FRMD5: variants seen among roughly 807,000 people sequenced by gnomAD.
FRMD5 encodes FERM domain containing 5.
Under a neutral mutation model 69.0 loss-of-function variants are expected in FRMD5, and 20 were observed. The ratio of observed to expected loss-of-function variants is 0.29; its 90% confidence interval spans 0.20 to 0.42. The LOEUF (loss-of-function observed/expected upper bound fraction) is 0.42. Ranked by LOEUF, FRMD5 falls within the 10% of genes least tolerant of loss-of-function variation. FRMD5 has a pLI of 1.00. For missense variants in FRMD5, 595 were observed against 708.6 expected (o/e 0.84, Z 1.82); for synonymous variants, 271 against 260.1 (o/e 1.04, Z -0.40).
chr15:44,069,782 G>T (rs2140408882), intron 1 of FRMD5, among the ~76,000 whole-genome samples: 1 of 152,274 alleles, frequency 6.6e-6, no homozygotes, highest in Admixed American at 6.5e-5. Context: ...CTGCAGTTTT[G>T]CAAGATGTTA....
intron 1 of FRMD5, among the ~76,000 whole-genome samples, chr15:44,041,990 A>G (rs3919618): frequency 0.9 from 137,192 of 152,170 alleles, 62,405 homozygotes; most frequent in East Asian, 1. Flanking sequence ...AATGAATCCA[A>G]GAGCTGGTTT....
At chr15:43,993,646 T>G (rs1254583640) in intron 1 of FRMD5, among the ~76,000 whole-genome samples, 1 of 152,228 alleles carries the variant, frequency 6.6e-6, no homozygotes, top group Non-Finnish European at 1.5e-5. Flanking sequence ...ATTTTTTTTG[T>G]CTGGATGAAA....
chr15:44,139,997 T>A (rs188786879), intron 1 of FRMD5, among the ~76,000 whole-genome samples: 77 of 151,422 alleles, frequency 5.1e-4, no homozygotes, highest in African/African-American at 1.7e-3. Context: ...TCTGATCTTA[T>A]ACATATACAT....
intron 1 of FRMD5, among the ~76,000 whole-genome samples, chr15:44,046,244 A>T (rs945077657): frequency 6.6e-6 from 1 of 152,178 alleles, no homozygotes; most frequent in Non-Finnish European, 1.5e-5. Context: ...TTTAACCCTG[A>T]ATAAGGAACA....
intron 5 of FRMD5, among the ~76,000 whole-genome samples, chr15:43,908,669 G>T (rs750302111): frequency 1.2e-4 from 19 of 152,154 alleles, no homozygotes; most frequent in Non-Finnish European, 2.5e-4. Context: ...AGGAATCTAG[G>T]AAGCGGCACT....
chr15:43,947,083 T>C (rs896054249), intron 1 of FRMD5, among the ~76,000 whole-genome samples: 2 of 152,218 alleles, frequency 1.3e-5, no homozygotes, highest in Non-Finnish European at 2.9e-5. Context: ...AATGTCTACT[T>C]TTAAAGTTAT....
At chr15:43,896,298 CCTT>C (rs1407183508) in intron 7 of FRMD5, among the ~76,000 whole-genome samples, 1 of 152,244 alleles carries the variant, frequency 6.6e-6, no homozygotes, top group Non-Finnish European at 1.5e-5. Context: ...CAGCTCTCCT[CCTT>C]CTTTCCTCTG....
chr15:43,874,420 C>G lies in FRMD5; in HGVS notation c.1178G>C (p.Arg393Pro). The G allele has an allele frequency of 6.2e-7, 1 of 1,614,208 alleles. No homozygotes were observed. Among genetic ancestry groups the G allele is most frequent in the Non-Finnish European group, 8.5e-7 (1 of 1,180,042 alleles). The change falls in exon 14 of 14, where the codon CGT becomes CCT. Residue 393 changes from arginine to proline, a missense_variant. Coordinates refer to ENST00000417257, the MANE Select transcript of FRMD5 (RefSeq NM_032892.5). ...LRDSAHSTPVRSTSHGDTFLP... is the reference protein window; with the variant it reads ...LRDSAHSTPVPSTSHGDTFLP... ...GAAGGTGTCCCCATGGGAAGTGGAA[C>G]GCACTGGTGTGGAATGGGCACTGTC...
rs1330048691 is a variant in FRMD5, at chr15:43,871,116, A to G, written c.*2769T>C. 1 of 152,204 alleles carries G rather than the reference A, an allele frequency of 6.6e-6. No homozygotes were observed. Among genetic ancestry groups the G allele is most frequent in the African/African-American group, 2.4e-5 (1 of 41,438 alleles). The allele number at this position is 152,204 out of a possible 1,614,324, so 9.4% of individuals were successfully genotyped here. A position where few individuals can be genotyped will look rare whatever the true frequency, so the allele number is the denominator to read the frequency against. On this transcript the variant is annotated 3_prime_UTR_variant, in exon 14 of 14. Coordinates refer to ENST00000417257, the MANE Select transcript of FRMD5 (RefSeq NM_032892.5). ...TAGAACACAGTATAACCAGGTTAAA[A>G]ACTTGAACAATTTTTAAAGGTGGAG... is the stretch of plus-strand genomic sequence containing the variant.
chr15:43,891,937 T>G, intron 8 of FRMD5, 44 bp downstream of exon 8: 1 of 1,523,402 alleles, frequency 6.6e-7, no homozygotes, highest in Non-Finnish European at 9.1e-7. Flanking sequence ...CCCTCCCCAG[T>G]TGGTGAGATA....
chr15:44,135,190 T>A (rs984109157), intron 1 of FRMD5, among the ~76,000 whole-genome samples: 7 of 152,178 alleles, frequency 4.6e-5, no homozygotes, highest in African/African-American at 1.7e-4. Flanking sequence ...ACAACCACCC[T>A]CAATAATTTT....
intron 1 of FRMD5, among the ~76,000 whole-genome samples, chr15:43,927,435 G>T (rs2089604188): frequency 6.6e-6 from 1 of 152,174 alleles, no homozygotes; most frequent in South Asian, 2.1e-4. Context: ...GGACTTCTGG[G>T]TGGTGGGCCA....
At chr15:44,026,572 T>C (rs1891438849) in intron 1 of FRMD5, among the ~76,000 whole-genome samples, 1 of 152,204 alleles carries the variant, frequency 6.6e-6, no homozygotes, top group Admixed American at 6.5e-5. Context: ...ACGAATCTGT[T>C]ATCAGATTCA....
At chr15:43,914,229 C>T (rs1192086946) in intron 4 of FRMD5, among the ~76,000 whole-genome samples, 1 of 152,180 alleles carries the variant, frequency 6.6e-6, no homozygotes, top group Non-Finnish European at 1.5e-5. Flanking sequence ...AGGCTGTGAA[C>T]TCTGGAAAGC....
At chr15:44,130,584 G>C (rs943012897) in intron 1 of FRMD5, among the ~76,000 whole-genome samples, 27 of 152,038 alleles carry the variant, frequency 1.8e-4, no homozygotes, top group Admixed American at 1.2e-3. Context: ...TTATCTACTA[G>C]AACTATAAAA....
chr15:43,903,090 T>A (rs1313838512), intron 6 of FRMD5, among the ~76,000 whole-genome samples: 1 of 152,224 alleles, frequency 6.6e-6, no homozygotes, highest in East Asian at 1.9e-4. Context: ...GCCTTTGGCA[T>A]CACCCCTTCC....
chr15:44,124,651 A>G (rs1380147061), intron 1 of FRMD5, among the ~76,000 whole-genome samples: 19 of 152,142 alleles, frequency 1.2e-4, no homozygotes, highest in Admixed American at 1.2e-3. Context: ...GTGAGCCAAG[A>G]TCATCCCACT....
intron 1 of FRMD5, chr15:43,988,952 A>T: frequency 1.7e-6 from 1 of 594,256 alleles, no homozygotes; most frequent in Non-Finnish European, 3.2e-6. Flanking sequence ...GTCGAGCCAA[A>T]CAAAACAAAA....
At chr15:44,036,323 C>T (rs1007540144) in intron 1 of FRMD5, among the ~76,000 whole-genome samples, 2 of 151,928 alleles carry the variant, frequency 1.3e-5, no homozygotes, top group Non-Finnish European at 1.5e-5. Context: ...TTCACCCTCA[C>T]GCACCTGCTC....
Sources: allele counts gnomAD v4.1 joint callset (sites outside exome capture counted in the v4.1 genomes callset), GRCh38; gene constraint gnomAD v4.1.1; transcripts MANE v1.5; gene names NCBI Gene and HGNC (gene_info 2026-07-23, HGNC 2026-07-21).